Variants in TDP1 observed in about 807,000 individuals in gnomAD.
TDP1 encodes tyrosyl-DNA phosphodiesterase 1, also known as tyr-DNA phosphodiesterase 1.
In TDP1, 64 loss-of-function variants were observed where a neutral mutation model predicts 81.5. That is an observed-to-expected ratio of 0.79 (90% confidence interval 0.64 to 0.97). The LOEUF is 0.97. Among genes scored for constraint, TDP1 ranks in the 50% least tolerant of loss-of-function variants. TDP1 has a pLI of 0.00. For synonymous variants in TDP1, 256 were observed against 264.3 expected (o/e 0.97, Z 0.30); for missense variants, 723 against 743.8 (o/e 0.97, Z 0.33).
intron 14 of TDP1, among the ~76,000 whole-genome samples, chr14:89,996,032 A>G (rs1415033613): frequency 6.6e-6 from 1 of 152,180 alleles, no homozygotes; most frequent in Non-Finnish European, 1.5e-5. Context: ...GTCAAAGCCT[A>G]TTTATCTTTG....
chr14:90,038,467 C>T (rs1888034270), intron 16 of TDP1, among the ~76,000 whole-genome samples: 1 of 152,166 alleles, frequency 6.6e-6, no homozygotes, highest in Non-Finnish European at 1.5e-5. Context: ...CCAGAATCAT[C>T]AAGTATTTTT....
intron 6 of TDP1, among the ~76,000 whole-genome samples, chr14:89,973,315 C>T (rs1893870805): frequency 6.6e-6 from 1 of 152,214 alleles, no homozygotes; most frequent in South Asian, 2.1e-4. Flanking sequence ...ATCCTGAAAA[C>T]CAGTGACTAA....
intron 10 of TDP1, chr14:89,988,450 CAGAA>C (rs1362519120): frequency 6.2e-6 from 2 of 320,892 alleles, no homozygotes; most frequent in Non-Finnish European, 9.0e-6. Context: ...CATTAACATA[CAGAA>C]AGACTTCACA....
rs201767245 is a variant in TDP1 at position 90,019,290 on chromosome 14, C to G, written c.1542-26C>G. 1.3e-3 allele frequency: 1,950 copies of G among 1,495,830 alleles called. 30 individuals are homozygous for G. The highest frequency in any genetic ancestry group is 0.012 in the South Asian group (1,100 of 88,476). 92.7% of individuals were successfully genotyped at this position (1,495,830 alleles called of 1,614,324 possible). A position where few individuals can be genotyped will look rare whatever the true frequency, so the allele number is the denominator to read the frequency against. On this transcript the variant is annotated intron_variant, in intron 14 of 16. Coordinates refer to ENST00000335725, the MANE Select transcript of TDP1 (RefSeq NM_018319.4). Reference sequence around the variant, plus strand: ...ACACTGAGATGCCTCCCTGAGTCAGCCCTATCTGTGTCCTTGTCTCTGCAG... The same window carrying G: ...ACACTGAGATGCCTCCCTGAGTCAGGCCTATCTGTGTCCTTGTCTCTGCAG...
intron 14 of TDP1, among the ~76,000 whole-genome samples, chr14:89,995,022 A>G (rs1896541822): frequency 6.6e-6 from 1 of 152,248 alleles, no homozygotes; most frequent in South Asian, 2.1e-4. Context: ...TCAGTTTTGT[A>G]CTGTGAATAT....
At chr14:89,996,172 G>T (rs965212026) in intron 14 of TDP1, among the ~76,000 whole-genome samples, 10 of 152,090 alleles carry the variant, frequency 6.6e-5, no homozygotes, top group African/African-American at 2.2e-4. Context: ...ACTCATCCTG[G>T]TTGCCCATGC....
intron 16 of TDP1, among the ~76,000 whole-genome samples, chr14:90,035,581 TG>T (rs1887735849): frequency 6.6e-6 from 1 of 152,172 alleles, no homozygotes; most frequent in African/African-American, 2.4e-5. Flanking sequence ...TTAGTGTGTC[TG>T]TCTACACAGT....
intron 14 of TDP1, among the ~76,000 whole-genome samples, chr14:89,999,597 T>C (rs954568493): frequency 6.6e-6 from 1 of 152,164 alleles, no homozygotes; most frequent in African/African-American, 2.4e-5. Flanking sequence ...TTAAAACAAA[T>C]TCCCCAGAAA....
At chr14:90,002,706 CAA>C (rs1393610222) in intron 14 of TDP1, among the ~76,000 whole-genome samples, 13 of 105,012 alleles carry the variant, frequency 1.2e-4, no homozygotes, top group Admixed American at 1.0e-4. Context: ...CCCATCTCTA[CAA>C]AAAAAAAAAA....
intron 15 of TDP1, among the ~76,000 whole-genome samples, chr14:90,029,220 CAG>C (rs1308962541): frequency 1.3e-3 from 168 of 127,230 alleles, no homozygotes; most frequent in African/African-American, 5.3e-3. Flanking sequence ...TTTTTTGAGA[CAG>C]AGTCTCGCTT....
At chr14:90,042,256 G>T (rs749274993) in intron 16 of TDP1, among the ~76,000 whole-genome samples, 1 of 152,226 alleles carries the variant, frequency 6.6e-6, no homozygotes, top group Non-Finnish European at 1.5e-5. Flanking sequence ...ACCTGTGGCT[G>T]TACCAACTAT....
intron 3 of TDP1, 162 bp from the exon 4 acceptor site, chr14:89,965,985 G>T (rs1423462409): frequency 1.6e-6 from 1 of 626,706 alleles, no homozygotes; most frequent in Non-Finnish European, 2.0e-6. Flanking sequence ...AATTTTTTTT[G>T]AATTTTATGA....
At position 89,984,833 on chromosome 14, in the gene TDP1, A is replaced by G. The variant is rs1416728865; in HGVS notation, c.1052+150A>G. 4 of 1,555,540 alleles carry G rather than the reference A, an allele frequency of 2.6e-6. No individual in the cohort carries two copies. The African/African-American group carries it at 5.4e-5, about 21-fold the overall frequency. On this transcript the variant is annotated intron_variant, in intron 9 of 16. Transcript: ENST00000335725. The stretch of plus-strand genomic sequence containing the variant: ...TGAGGGGATGAGCAGATTCTATCAC[A>G]TCTGTATCTTGTGGTTCTCAGGCAT...
intron 8 of TDP1, chr14:89,983,100 T>C: frequency 2.2e-6 from 1 of 455,840 alleles, no homozygotes; most frequent in Non-Finnish European, 4.4e-6. Context: ...TCATTTGTCT[T>C]GTTTCTCATC....
chr14:89,966,417 C>G (rs946363286), intron 4 of TDP1, among the ~76,000 whole-genome samples: 2 of 152,136 alleles, frequency 1.3e-5, no homozygotes. Flanking sequence ...AGTCAGCCTC[C>G]GCTGGCCAAG....
chr14:90,012,318 G>A (rs982014013), intron 14 of TDP1, among the ~76,000 whole-genome samples: 2 of 151,966 alleles, frequency 1.3e-5, no homozygotes, highest in African/African-American at 4.8e-5. Context: ...GCTTTTCCAG[G>A]CACATGGTGC....
At chr14:89,981,022 A>G (rs559908096) in intron 8 of TDP1, among the ~76,000 whole-genome samples, 21 of 152,278 alleles carry the variant, frequency 1.4e-4, no homozygotes, top group African/African-American at 4.6e-4. Flanking sequence ...ATCTGAACCT[A>G]TTGTTTTCCT....
intron 3 of TDP1, chr14:89,964,779 C>G: frequency 2.7e-6 from 1 of 368,732 alleles, no homozygotes; most frequent in Admixed American, 3.9e-5. Context: ...ATAAAATAAC[C>G]GGCAATTAGC....
chr14:90,030,203 C>G (rs1596700781), intron 15 of TDP1, among the ~76,000 whole-genome samples: 1 of 152,334 alleles, frequency 6.6e-6, no homozygotes, highest in East Asian at 1.9e-4. Flanking sequence ...TGCCTGCCCT[C>G]CGTGTCTTCC....
Sources: gnomAD v4.1 joint callset for allele counts (sites outside exome capture counted in the v4.1 genomes callset) on GRCh38, gnomAD v4.1.1 for gene constraint, MANE v1.5 for transcripts, NCBI Gene and HGNC (gene_info 2026-07-23, HGNC 2026-07-21) for gene names.